Variants in KYNU observed in about 807,000 individuals in gnomAD.
The protein encoded by KYNU is L-kynurenine hydrolase.
KYNU carries 54 observed loss-of-function variants against 59.2 expected under a neutral mutation model. The observed-to-expected ratio is 0.91, with a 90% CI of 0.73 to 1.14. The LOEUF is 1.14. KYNU is among the 50% of genes most tolerant of loss of function. The pLI, the probability that KYNU is intolerant of heterozygous loss-of-function variation, is 0.00. For synonymous variants in KYNU, 177 were observed against 192.0 expected, an observed-to-expected ratio of 0.92 and a Z score of 0.65; for missense variants, 567 against 554.4, an observed-to-expected ratio of 1.02 and a Z score of -0.23.
At position 143,033,216 on chromosome 2, in the gene KYNU, A is replaced by G. The variant is rs1211552408; in HGVS notation, c.956-20A>G. ...TTTAAAGTTACCTTCTATGATAATG[A>G]CATGATATTAATTTCTCAGAACTGC... On this transcript the variant is annotated intron_variant, in intron 11 of 13. Transcript: ENST00000264170. 3 of 1,521,758 alleles carry G rather than the reference A, an allele frequency of 2.0e-6. No individual in the cohort carries two copies. Among genetic ancestry groups the G allele is most frequent in the Admixed American group, 3.3e-5 (2 of 59,922 alleles). The allele number at this position is 1,521,758 out of a possible 1,614,324, so 94.3% of individuals were successfully genotyped here.
chr2:142,984,011 G>A (rs889808600), intron 8 of KYNU, among the ~76,000 whole-genome samples: 1 of 151,922 alleles, frequency 6.6e-6, no homozygotes, highest in Non-Finnish European at 1.5e-5. Context: ...CGTCAATTTT[G>A]TGTATTCTTT....
chr2:142,888,252 G>A (rs569901431), intron 2 of KYNU, among the ~76,000 whole-genome samples: 3 of 152,256 alleles, frequency 2.0e-5, no homozygotes, highest in African/African-American at 7.2e-5. Flanking sequence ...GAGTCTAGAA[G>A]TTTGATACCA....
chr2:142,951,478 A>G (rs1683987675), intron 4 of KYNU, among the ~76,000 whole-genome samples: 1 of 152,228 alleles, frequency 6.6e-6, no homozygotes, highest in African/African-American at 2.4e-5. Context: ...GTGAGCTGTG[A>G]TCATGCCTCT....
intron 2 of KYNU, among the ~76,000 whole-genome samples, chr2:142,916,010 C>G (rs573187337): frequency 1.3e-4 from 20 of 152,182 alleles, no homozygotes; most frequent in Admixed American, 1.2e-3. Flanking sequence ...AGATGGCCAT[C>G]TGTAAGCCAA....
At chr2:142,937,264 A>T (rs921924552) in intron 4 of KYNU, among the ~76,000 whole-genome samples, 1 of 152,102 alleles carries the variant, frequency 6.6e-6, no homozygotes, top group Non-Finnish European at 1.5e-5. Context: ...CTCATCTTAA[A>T]CTTTCAGGCC....
chr2:142,891,273 A>AT (rs542720701), intron 2 of KYNU, among the ~76,000 whole-genome samples: 305 of 152,136 alleles, frequency 2.0e-3, no homozygotes, highest in Non-Finnish European at 3.4e-3. Context: ...TCTTCATTCC[A>AT]TTTTTTTATC....
At chr2:142,917,803 T>TA (rs1234847140) in intron 2 of KYNU, among the ~76,000 whole-genome samples, 1 of 152,250 alleles carries the variant, frequency 6.6e-6, no homozygotes, top group African/African-American at 2.4e-5. Context: ...GGTATGTCTT[T>TA]AAAAAGTCTT....
At chr2:142,965,679 G>C (rs997447371) in intron 8 of KYNU, among the ~76,000 whole-genome samples, 1 of 152,174 alleles carries the variant, frequency 6.6e-6, no homozygotes, top group Non-Finnish European at 1.5e-5. Flanking sequence ...AAACCTAGCA[G>C]ATTCCTGCTA....
At chr2:142,887,815 GA>G (rs1352439283) in intron 2 of KYNU, among the ~76,000 whole-genome samples, 1 of 152,200 alleles carries the variant, frequency 6.6e-6, no homozygotes, top group Non-Finnish European at 1.5e-5. Context: ...TTGCAAGGTA[GA>G]AAAATTCTGG....
Position 142,996,032 on chromosome 2 carries a change from A to G in KYNU, c.902+10011A>G, listed in dbSNP as rs531438437. The stretch of plus-strand genomic sequence containing the variant: ...TGTTTCCTAAGCCTTTCTTCTCACT[A>G]CACATGGTAGTCTAGCAACATTAAT... On this transcript the variant is annotated intron_variant, in intron 10 of 13. Transcript: ENST00000264170. Among the ~76,000 whole-genome samples the G allele has an allele frequency of 4.6e-5, 7 of 152,164 alleles. No homozygotes were observed. The East Asian group carries it at 1.2e-3, about 25-fold the overall frequency.
At chr2:142,927,056 T>C (rs1035539892) in intron 3 of KYNU, among the ~76,000 whole-genome samples, 2 of 152,244 alleles carry the variant, frequency 1.3e-5, no homozygotes, top group African/African-American at 4.8e-5. Flanking sequence ...TGCATTTTTC[T>C]ACTATGCCTC....
chr2:143,040,556 A>G lies in KYNU; in HGVS notation c.1170A>G (p.Ile390Met). The G allele has an allele frequency of 6.2e-7, 1 of 1,612,984 alleles. No homozygotes were observed. The highest frequency in any genetic ancestry group is 8.5e-7 in the Non-Finnish European group (1 of 1,179,256). The change falls in exon 13 of 14, where the codon ATA becomes ATG. Residue 390 changes from isoleucine to methionine, a missense_variant. By Grantham distance (10) the Ile-to-Met change is conservative (BLOSUM62 1). Coordinates refer to ENST00000264170, the MANE Select transcript of KYNU (RefSeq NM_003937.3). The stretch of plus-strand genomic sequence containing the variant: ...CAACCAAGAAACCAGTTGTGAACAT[A>G]ATTACTCCGTCTCATGTAGAGGAGC... ...KAATKKPVVNIITPSHVEERG... is the reference protein window; with the variant it reads ...KAATKKPVVNMITPSHVEERG...
rs1573931648 is a variant in KYNU, at chr2:143,055,179, T to A, written c.*13007T>A. The A allele has an allele frequency of 6.6e-6, 1 of 152,134 alleles. No individual in the cohort carries two copies. The highest frequency in any genetic ancestry group is 6.5e-5 in the Admixed American group (1 of 15,280). The allele number at this position is 152,134 out of a possible 1,614,324, so 9.4% of individuals were successfully genotyped here. On this transcript the variant is annotated 3_prime_UTR_variant, in exon 14 of 14. Coordinates refer to ENST00000264170, the MANE Select transcript of KYNU (RefSeq NM_003937.3). ...GACCAAAAAACATAGTGACTGAAAA[T>A]AACCCACATTTATTATCTTACAGTT...
At chr2:142,975,728 C>A (rs116016567) in intron 8 of KYNU, among the ~76,000 whole-genome samples, 1 of 152,134 alleles carries the variant, frequency 6.6e-6, no homozygotes, top group Admixed American at 6.6e-5. Context: ...TCTGTGTTAG[C>A]CTAATTTGCA....
chr2:142,934,666 C>T (rs1318778341), intron 4 of KYNU, among the ~76,000 whole-genome samples: 3 of 152,152 alleles, frequency 2.0e-5, no homozygotes, highest in Non-Finnish European at 2.9e-5. Context: ...ACATACTGGC[C>T]TACCTGCCAC....
At chr2:143,021,505 A>G (rs769352542) in intron 10 of KYNU, among the ~76,000 whole-genome samples, 1 of 152,190 alleles carries the variant, frequency 6.6e-6, no homozygotes. Context: ...CAGGTTGTAC[A>G]GGAAGCATGG....
rs988170686 is a variant in KYNU, at chr2:143,030,387, C to G, written c.955+708C>G. Among the ~76,000 whole-genome samples the G allele has an allele frequency of 2.6e-5, 4 of 152,182 alleles. No individual in the cohort carries two copies. In the East Asian group the frequency reaches 7.7e-4, roughly 29 times the overall value. On this transcript the variant is annotated intron_variant, in intron 11 of 13. Coordinates refer to ENST00000264170, the MANE Select transcript of KYNU (RefSeq NM_003937.3). ...TCACATGGGATGCAGAAAGATCATA[C>G]GTGCTTTGAGAGTTCAACATAAACT...
intron 10 of KYNU, among the ~76,000 whole-genome samples, chr2:143,022,812 AT>A (rs965213053): frequency 9.9e-5 from 15 of 151,866 alleles, no homozygotes; most frequent in African/African-American, 3.6e-4. Context: ...TGATGTGCTT[AT>A]TTTTCCCTAT....
chr2:142,877,694 G>A lies in KYNU; in HGVS notation c.-62G>A, dbSNP rs1681143846. ...TTCAAGGAATTCTTGAGAGGTTCTTGGAGAGATTCTGGGAGCCAAACACTC... is the reference window on the plus strand; with the variant it reads ...TTCAAGGAATTCTTGAGAGGTTCTTAGAGAGATTCTGGGAGCCAAACACTC... On this transcript the variant is annotated 5_prime_UTR_variant, in exon 1 of 14. Coordinates refer to ENST00000264170, the MANE Select transcript of KYNU (RefSeq NM_003937.3). 1.3e-5 allele frequency: 2 copies of A among 152,188 alleles called. No homozygotes were observed. The highest frequency in any genetic ancestry group is 6.5e-5 in the Admixed American group (1 of 15,278). 9.4% of individuals were successfully genotyped at this position (152,188 alleles called of 1,614,324 possible). A position where few individuals can be genotyped will look rare whatever the true frequency, so the allele number is the denominator to read the frequency against.
Sources: gnomAD v4.1 joint callset for allele counts (sites outside exome capture counted in the v4.1 genomes callset) on GRCh38, gnomAD v4.1.1 for gene constraint, MANE v1.5 for transcripts, NCBI Gene and HGNC (gene_info 2026-07-23, HGNC 2026-07-21) for gene names.